The following DCLRE1A variants were observed in gnomAD, a reference collection of about 807,000 sequenced individuals.
DCLRE1A encodes DNA cross-link repair 1A.
DCLRE1A carries 64 observed loss-of-function variants against 91.9 expected under a neutral mutation model. The observed-to-expected ratio is 0.70, with a 90% CI of 0.57 to 0.86. The LOEUF is 0.86. DCLRE1A is among the 40% of genes least tolerant of loss of function. The pLI is 0.00. For synonymous variants in DCLRE1A, 416 were observed against 431.1 expected (o/e 0.96, Z 0.43); for missense variants, 1,145 against 1,213.3 (o/e 0.94, Z 0.84).
In DCLRE1A at chr10:113,844,168, C is replaced by A. The variant is rs771432620; in HGVS notation, c.2455G>T (p.Asp819Tyr). The A allele has an allele frequency of 3.3e-5, 53 of 1,614,054 alleles. No individual in the cohort carries two copies. Among genetic ancestry groups the A allele is most frequent in the Non-Finnish European group, 4.2e-5 (49 of 1,180,048 alleles). ...VILHTGDFRA[D>Y]PSMERSLLAD... Reference sequence around the variant, plus strand: ...AGAAGAGAACGTTCCATGCTGGGATCTGCTCTGAAGTCTCCCGTGTGTAAT... The same window carrying A: ...AGAAGAGAACGTTCCATGCTGGGATATGCTCTGAAGTCTCCCGTGTGTAAT... The change falls in exon 5 of 9, where the codon GAT becomes TAT. Residue 819 changes from aspartate to tyrosine, a missense_variant. Physicochemically the swap from Asp to Tyr is radical, Grantham distance 160. Transcript: ENST00000361384.
At chr10:113,838,542 T>C (rs780122137) in intron 7 of DCLRE1A, among the ~76,000 whole-genome samples, 1 of 152,192 alleles carries the variant, frequency 6.6e-6, no homozygotes, top group African/African-American at 2.4e-5. Context: ...AAAAAAAGAC[T>C]ACCAGCAGCT....
At chr10:113,844,971 T>TAA (rs955134005) in intron 4 of DCLRE1A, among the ~76,000 whole-genome samples, 1 of 141,954 alleles carries the variant, frequency 7.0e-6, no homozygotes. Context: ...AACTGGCAAT[T>TAA]AAAAAAAAAA....
intron 1 of DCLRE1A, among the ~76,000 whole-genome samples, chr10:113,852,459 C>T (rs1228446289): frequency 6.6e-6 from 1 of 152,196 alleles, no homozygotes; most frequent in African/African-American, 2.4e-5. Context: ...TGTGAAAGTA[C>T]CCAGCATAGT....
chr10:113,845,223 GAA>G (rs566102659), intron 4 of DCLRE1A, among the ~76,000 whole-genome samples: 16 of 151,788 alleles, frequency 1.1e-4, no homozygotes, highest in Middle Eastern at 3.4e-3. Context: ...CCATTTCCAA[GAA>G]AAAAAAGTCT....
rs769775569 is a variant in DCLRE1A, at chr10:113,837,067, A to G, written c.2957T>C (p.Ile986Thr). The G allele has an allele frequency of 1.2e-6, 2 of 1,604,026 alleles. No homozygotes were observed. Among genetic ancestry groups the G allele is most frequent in the South Asian group, 2.2e-5 (2 of 88,966 alleles). The change falls in exon 8 of 9, where the codon ATA (isoleucine) becomes ACA (threonine). Residue 986 changes from isoleucine (I) to threonine (T), a missense_variant. Transcript: ENST00000361384. ...AGAAAATTTAATAACTATACCATAT[A>G]TTGAAATGTTTCCTTTGGTCTGGGG... ...VIPQTKGNIS[I>T]YGIPYSEHSS...
chr10:113,850,767 A>G (rs1364946773), intron 1 of DCLRE1A, 123 bp from the exon 2 acceptor site: 1 of 695,962 alleles, frequency 1.4e-6, no homozygotes, highest in Admixed American at 3.4e-5. Context: ...AAAAGCAACA[A>G]TTTTAATAAG....
In DCLRE1A at chr10:113,852,718, C is replaced by A; in HGVS notation, c.460+5G>T. The A allele has an allele frequency of 6.2e-7, 1 of 1,611,232 alleles. No individual in the cohort carries two copies. The highest frequency in any genetic ancestry group is 8.5e-7 in the Non-Finnish European group (1 of 1,178,496). On this transcript the variant is annotated splice_donor_5th_base_variant and intron_variant, in intron 1 of 8. Coordinates refer to ENST00000361384, the MANE Select transcript of DCLRE1A (RefSeq NM_014881.5). ...TAGAAACTACTACGTTTTCTGCAGT[C>A]TTACCTGTTTCAGAGCGTGGTGGAG... is the stretch of plus-strand genomic sequence containing the variant.
In DCLRE1A at chr10:113,841,459, C is replaced by T. The variant is rs145559640; in HGVS notation, c.2767G>A (p.Asp923Asn). The T allele has an allele frequency of 1.8e-4, 289 of 1,613,414 alleles. No individual in the cohort carries two copies. Among genetic ancestry groups the T allele is most frequent in the Non-Finnish European group, 2.2e-4 (264 of 1,179,790 alleles). ...AGGTGAACCAATGAACTGCACATGTCGGTAGTGATGAGTGAATTAATTTCT... is the reference window on the plus strand; with the variant it reads ...AGGTGAACCAATGAACTGCACATGTTGGTAGTGATGAGTGAATTAATTTCT... ...IPEINSLITT[D>N]MCSSLVHLLP... The change falls in exon 7 of 9, where the codon GAC becomes AAC. Residue 923 changes from aspartate (D) to asparagine (N), a missense_variant. Transcript: ENST00000361384.
chr10:113,849,550 T>C lies in DCLRE1A; in HGVS notation c.1555A>G (p.Thr519Ala). Residue 519 changes from threonine to alanine, a missense_variant, in exon 2 of 9, where the codon ACA (threonine) becomes GCA (alanine). Coordinates refer to ENST00000361384, the MANE Select transcript of DCLRE1A (RefSeq NM_014881.5). Reference sequence around the variant, plus strand: ...GACAAGTTTTCTGTATTTAAAATTGTAGCTTTACCAACTGGCACACCCTCT... The same window carrying C: ...GACAAGTTTTCTGTATTTAAAATTGCAGCTTTACCAACTGGCACACCCTCT... The part of the protein sequence containing the change: ...ALEGVPVGKA[T>A]ILNTENLSST... The C allele has an allele frequency of 1.2e-6, 2 of 1,613,800 alleles. No individual in the cohort carries two copies. The highest frequency in any genetic ancestry group is 1.7e-6 in the Non-Finnish European group (2 of 1,179,992).
Position 113,849,312 on chromosome 10 carries a change from T to C in DCLRE1A, c.1793A>G (p.Gln598Arg). 6.2e-7 allele frequency: 1 copy of C among 1,614,212 alleles called. No homozygotes were observed. Among genetic ancestry groups the C allele is most frequent in the East Asian group, 2.2e-5 (1 of 44,880 alleles). Residue 598 changes from glutamine to arginine, a missense_variant, in exon 2 of 9, where the codon CAG becomes CGG. Transcript: ENST00000361384. ...AGATTTTTCTGCTTTCCTCTTGCAC[T>C]GCGAGGACCTCTTTTGATTAGGACT... ...VPSPNQKRSS[Q>R]CKRKAEKSLS... is the part of the protein sequence containing the mutation.
At chr10:113,847,439 A>G in intron 2 of DCLRE1A, 104 bp from the exon 3 acceptor site, 1 of 1,231,946 alleles carries the variant, frequency 8.1e-7, no homozygotes, top group Non-Finnish European at 1.1e-6. Context: ...CTTATTTCCA[A>G]TTTAACTATA....
chr10:113,835,242 T>G lies in DCLRE1A; in HGVS notation c.3033A>C (p.Lys1011Asn). ...KRFVQWLKPQKIIPTVNVGTW... is the reference protein window; with the variant it reads ...KRFVQWLKPQNIIPTVNVGTW... ...TGCCCACATTTACAGTAGGTATGAT[T>G]TTCTGGGGCTTCAGCCACTGGACAA... Residue 1011 changes from lysine (K) to asparagine (N), a missense_variant, in exon 9 of 9, where the codon AAA becomes AAC. Physicochemically the swap from Lys to Asn is moderately conservative, Grantham distance 94 (BLOSUM62 0). Transcript: ENST00000361384. The G allele has an allele frequency of 6.2e-7, 1 of 1,614,154 alleles. No homozygotes were observed.
intron 8 of DCLRE1A, among the ~76,000 whole-genome samples, chr10:113,836,682 G>A (rs1424768142): frequency 6.6e-6 from 1 of 152,118 alleles, no homozygotes; most frequent in Non-Finnish European, 1.5e-5. Flanking sequence ...CCTCCCTCAA[G>A]GATGAAAACA....
Position 113,847,351 on chromosome 10 carries a change from C to T in DCLRE1A, c.2126-16G>A, listed in dbSNP as rs374123962. ...AAGCCGGTTCCTGCAATAAAAATAC[C>T]GACACAGTAGGTTGAGCAAGAGCTA... On this transcript the variant is annotated splice_polypyrimidine_tract_variant and intron_variant, in intron 2 of 8. Transcript: ENST00000361384. 147 of 1,612,478 alleles carry T rather than the reference C, an allele frequency of 9.1e-5. No individual in the cohort carries two copies. The African/African-American group carries it at 1.5e-3, about 16-fold the overall frequency.
At position 113,835,053 on chromosome 10, in the gene DCLRE1A, G is replaced by C; in HGVS notation, c.*99C>G. 1 of 1,210,500 alleles carries C rather than the reference G, an allele frequency of 8.3e-7. No homozygotes were observed. 75.0% of individuals were successfully genotyped at this position (1,210,500 alleles called of 1,614,324 possible). ...TAAAGTATCTGAACAATCTTCATGA[G>C]GTTTTTCCACACAAAGTGTATTTCA... is the stretch of plus-strand genomic sequence containing the variant. On this transcript the variant is annotated 3_prime_UTR_variant, in exon 9 of 9. Transcript: ENST00000361384.
At chr10:113,841,320 T>A in intron 7 of DCLRE1A, 86 bp downstream of exon 7, 2 of 1,478,844 alleles carry the variant, frequency 1.4e-6, no homozygotes, top group Non-Finnish European at 1.8e-6. Flanking sequence ...TCTATTATAA[T>A]TGAATTCCTC....
rs1172743282 is a variant in DCLRE1A, at chr10:113,853,255, A to G, written c.-73T>C. 3 of 1,333,092 alleles carry G rather than the reference A, an allele frequency of 2.3e-6. No homozygotes were observed. Among genetic ancestry groups the G allele is most frequent in the Admixed American group, 3.0e-5 (1 of 33,358 alleles). The allele number at this position is 1,333,092 out of a possible 1,614,324, so 82.6% of individuals were successfully genotyped here. On this transcript the variant is annotated 5_prime_UTR_variant, in exon 1 of 9. Coordinates refer to ENST00000361384, the MANE Select transcript of DCLRE1A (RefSeq NM_014881.5). ...AAAGTCCATTTCTTGTCACAAACAAAAAGTTATAGAATTATTTTGCTGAGA... is the reference window on the plus strand; with the variant it reads ...AAAGTCCATTTCTTGTCACAAACAAGAAGTTATAGAATTATTTTGCTGAGA...
At position 113,835,436 on chromosome 10, in the gene DCLRE1A, CT is replaced by C; in HGVS notation, c.2963-125del. On this transcript the variant is annotated intron_variant, in intron 8 of 8. Coordinates refer to ENST00000361384, the MANE Select transcript of DCLRE1A (RefSeq NM_014881.5). ...TCCACAGTATTTTTGTCAAAAACCC[CT>C]CAGTGCTTTAGTTCTGAAAAGAAAA... 3 of 958,266 alleles carry C rather than the reference CT, an allele frequency of 3.1e-6. No homozygotes were observed. The Middle Eastern group carries it at 9.9e-4, about 316-fold the overall frequency. 59.4% of individuals were successfully genotyped at this position (958,266 alleles called of 1,614,324 possible).
intron 8 of DCLRE1A, among the ~76,000 whole-genome samples, chr10:113,836,851 C>T (rs1227585784): frequency 6.6e-6 from 1 of 152,162 alleles, no homozygotes; most frequent in East Asian, 1.9e-4. Flanking sequence ...GTGAAATGAT[C>T]TGTATTCATT....
Sources: gnomAD v4.1 joint callset for allele counts (sites outside exome capture counted in the v4.1 genomes callset) on GRCh38, gnomAD v4.1.1 for gene constraint, MANE v1.5 for transcripts, NCBI Gene and HGNC (gene_info 2026-07-23, HGNC 2026-07-21) for gene names.